Variants in TTLL11 observed in about 807,000 individuals in gnomAD.
TTLL11 encodes tubulin polyglutamylase TTLL11.
Under a neutral mutation model 51.7 loss-of-function variants are expected in TTLL11, and 42 were observed. The ratio of observed to expected loss-of-function variants is 0.81; its 90% CI spans 0.64 to 1.05. The LOEUF is 1.05. Among genes scored for constraint, TTLL11 ranks in the 50% least tolerant of loss-of-function variants. The pLI, the probability that TTLL11 is intolerant of heterozygous loss-of-function variation, is 0.00. For missense variants in TTLL11, 799 were observed against 940.4 expected (o/e 0.85, Z 1.97); for synonymous variants, 381 against 383.5 (o/e 0.99, Z 0.08).
At chr9:121,949,957 A>C (rs1424675687) in intron 6 of TTLL11, among the ~76,000 whole-genome samples, 1 of 151,834 alleles carries the variant, frequency 6.6e-6, no homozygotes. Context: ...ATCCCTCCCC[A>C]GCTTGCTCTG....
chr9:121,930,460 AC>A, intron 6 of TTLL11, among the ~76,000 whole-genome samples: 1 of 152,332 alleles, frequency 6.6e-6, no homozygotes, highest in African/African-American at 2.4e-5. Context: ...AAATAGTGAA[AC>A]CGTGACCCAC....
chr9:121,997,975 C>T (rs1298447465), intron 3 of TTLL11, among the ~76,000 whole-genome samples: 1 of 152,216 alleles, frequency 6.6e-6, no homozygotes, highest in Non-Finnish European at 1.5e-5. Flanking sequence ...GCCTCATTCT[C>T]CTCCCCCAGG....
intron 6 of TTLL11, among the ~76,000 whole-genome samples, chr9:121,871,988 C>T (rs1156843484): frequency 6.6e-6 from 1 of 152,234 alleles, no homozygotes; most frequent in East Asian, 1.9e-4. Context: ...GAGACAGAAC[C>T]TCGAGCATGT....
rs76918356 is a variant in TTLL11 at position 121,955,794 on chromosome 9, C to T, written c.1481+18215G>A. Reference sequence around the variant, plus strand: ...ATGACCTGTTCTTGATAAAGGCCTTCGACTTCTCTATGGTCTGGAACAAAG... The same window carrying T: ...ATGACCTGTTCTTGATAAAGGCCTTTGACTTCTCTATGGTCTGGAACAAAG... On this transcript the variant is annotated intron_variant, in intron 6 of 8. Transcript: ENST00000321582. 7.4e-3 allele frequency among the ~76,000 whole-genome samples: 1,120 copies of T among 152,228 alleles called. 11 individuals carry two copies. The highest frequency in any genetic ancestry group is 0.026 in the African/African-American group (1,078 of 41,520).
chr9:122,011,935 G>A (rs1843801518), intron 3 of TTLL11, among the ~76,000 whole-genome samples: 1 of 152,156 alleles, frequency 6.6e-6, no homozygotes, highest in Admixed American at 6.5e-5. Flanking sequence ...GAAGGAAGGT[G>A]GGAGAAGAGG....
chr9:122,054,652 T>C (rs376460590), intron 1 of TTLL11, among the ~76,000 whole-genome samples: 8 of 152,288 alleles, frequency 5.3e-5, no homozygotes, highest in African/African-American at 1.9e-4. Flanking sequence ...ATTCAGCCCA[T>C]GGAAAAGAGT....
intron 6 of TTLL11, among the ~76,000 whole-genome samples, chr9:121,961,403 G>A (rs1173784267): frequency 6.6e-6 from 1 of 151,606 alleles, no homozygotes; most frequent in Non-Finnish European, 1.5e-5. Context: ...ACATCCAACT[G>A]AAAACTCCCT....
intron 6 of TTLL11, among the ~76,000 whole-genome samples, chr9:121,961,776 C>T (rs1228983129): frequency 6.6e-6 from 1 of 152,186 alleles, no homozygotes; most frequent in Non-Finnish European, 1.5e-5. Context: ...GAAAAATAGG[C>T]CAGGTGCCAT....
intron 1 of TTLL11, among the ~76,000 whole-genome samples, chr9:122,078,882 T>C (rs1845927971): frequency 6.6e-6 from 1 of 152,176 alleles, no homozygotes; most frequent in Non-Finnish European, 1.5e-5. Flanking sequence ...AACTTTGTTC[T>C]TCAGGAAAAT....
chr9:121,838,366 T>C (rs1330114800), intron 8 of TTLL11, among the ~76,000 whole-genome samples: 1 of 152,172 alleles, frequency 6.6e-6, no homozygotes, highest in Non-Finnish European at 1.5e-5. Context: ...GCCTCCTCGC[T>C]GGTCTCCCTG....
At chr9:121,884,683 T>A (rs868035176) in intron 6 of TTLL11, 2 of 152,000 alleles carry the variant, frequency 1.3e-5, no homozygotes, top group Non-Finnish European at 2.9e-5. Flanking sequence ...TATGAACAAA[T>A]TTAGAGCCTA....
At chr9:122,003,720 C>T (rs1843554864) in intron 3 of TTLL11, among the ~76,000 whole-genome samples, 1 of 150,600 alleles carries the variant, frequency 6.6e-6, no homozygotes, top group Admixed American at 6.6e-5. Flanking sequence ...CTCCTGACCT[C>T]GTGATCCACC....
chr9:121,939,877 A>G (rs568447679), intron 6 of TTLL11, among the ~76,000 whole-genome samples: 122 of 152,214 alleles, frequency 8.0e-4, no homozygotes, highest in African/African-American at 2.9e-3. Context: ...AGCTGCTTGT[A>G]TGCATTCGCT....
At chr9:122,024,112 A>G (rs938292285) in intron 3 of TTLL11, among the ~76,000 whole-genome samples, 2 of 152,198 alleles carry the variant, frequency 1.3e-5, no homozygotes, top group African/African-American at 4.8e-5. Flanking sequence ...GTTGCAGGAT[A>G]CAAGATCAAT....
At chr9:122,006,178 T>TA (rs1346741433) in intron 3 of TTLL11, among the ~76,000 whole-genome samples, 6 of 151,964 alleles carry the variant, frequency 3.9e-5, no homozygotes, top group Admixed American at 2.0e-4. Context: ...CTGTCTCTAC[T>TA]AAAAATACAA....
chr9:122,023,691 T>A (rs1276749082), intron 3 of TTLL11, among the ~76,000 whole-genome samples: 1 of 149,424 alleles, frequency 6.7e-6, no homozygotes. Flanking sequence ...AAAAAGAAGA[T>A]CCATATGATC....
Position 121,989,806 on chromosome 9 carries a change from G to T in TTLL11, c.694-36C>A. ...AAAAAAGGATGGCCGACATTATATT[G>T]TTTTCCCTCTGGATCCCTAACACAG... On this transcript the variant is annotated intron_variant, in intron 3 of 8. Transcript: ENST00000321582. The surrounding 1 kb of genome is among the most constrained non-coding windows in gnomAD (Gnocchi z 4.2). 6.4e-7 allele frequency: 1 copy of T among 1,554,780 alleles called. No individual in the cohort carries two copies. Among genetic ancestry groups the T allele is most frequent in the East Asian group, 2.3e-5 (1 of 44,430 alleles).
At chr9:122,007,297 GT>G (rs1424875720) in intron 3 of TTLL11, among the ~76,000 whole-genome samples, 1 of 151,726 alleles carries the variant, frequency 6.6e-6, no homozygotes, top group Non-Finnish European at 1.5e-5. Flanking sequence ...AAGTAAAAGG[GT>G]GCTCAGAAAA....
intron 8 of TTLL11, among the ~76,000 whole-genome samples, chr9:121,850,396 C>G (rs988616137): frequency 6.6e-6 from 1 of 151,806 alleles, no homozygotes. Flanking sequence ...AGTCCCAGGC[C>G]TAAGGCCTAA....
Sources: allele counts gnomAD v4.1 joint callset (sites outside exome capture counted in the v4.1 genomes callset), GRCh38; gene constraint gnomAD v4.1.1; non-coding constraint Gnocchi (gnomAD v3.1); transcripts MANE v1.5; gene names NCBI Gene and HGNC (gene_info 2026-07-23, HGNC 2026-07-21).